The following ELN variants were observed in gnomAD, a reference collection of about 807,000 sequenced individuals.
The protein encoded by ELN is tropoelastin.
A neutral mutation model predicts 105.8 loss-of-function variants in ELN; 65 were observed. The ratio of observed to expected loss-of-function variants is 0.61; its 90% CI spans 0.50 to 0.75. The LOEUF is 0.75. ELN is among the 30% of genes least tolerant of loss of function. The pLI, the probability that ELN is intolerant of heterozygous loss-of-function variation, is 0.00. For synonymous variants in ELN, 368 were observed against 389.2 expected, an observed-to-expected ratio of 0.95 and a Z score of 0.64; for missense variants, 882 against 969.4, an observed-to-expected ratio of 0.91 and a Z score of 1.20.
chr7:74,029,544 G>T (rs968127510), intron 1 of ELN, among the ~76,000 whole-genome samples: 4 of 152,146 alleles, frequency 2.6e-5, no homozygotes, highest in African/African-American at 4.8e-5. Flanking sequence ...GGGGCGGGAG[G>T]GCCACGGGGT....
At chr7:74,030,280 C>T (rs55727766) in intron 1 of ELN, among the ~76,000 whole-genome samples, 81 of 152,288 alleles carry the variant, frequency 5.3e-4, no homozygotes, top group African/African-American at 1.9e-3. Flanking sequence ...GGGAGCCTGG[C>T]TTCTCCCTCA....
Position 74,046,716 on chromosome 7 carries a change from C to T in ELN, c.592C>T (p.Pro198Ser), listed in dbSNP as rs782092039. ...GIPGVGPFGG[P>S]QPGVPLGYPI... The stretch of plus-strand genomic sequence containing the variant: ...CACAGGAGTTGGACCCTTTGGGGGA[C>T]CGCAACCTGGAGTCCCACTGGGGTA... Residue 198 changes from proline (P) to serine (S), a missense_variant, in exon 12 of 33, where the codon CCG becomes TCG. By Grantham distance (74) the Pro-to-Ser change is moderately conservative. Transcript: ENST00000252034. 8.7e-6 allele frequency: 14 copies of T among 1,614,184 alleles called. No homozygotes were observed. In the Admixed American group the frequency reaches 2.2e-4, roughly 25 times the overall value.
intron 17 of ELN, chr7:74,052,951 C>T (rs947082340): frequency 3.4e-5 from 21 of 618,012 alleles, no homozygotes; most frequent in Admixed American, 1.5e-4. Flanking sequence ...AGATCACATT[C>T]CTCCAGCTCA....
intron 16 of ELN, 24 bp downstream of exon 16, chr7:74,051,863 C>T (rs782086447): frequency 5.6e-6 from 9 of 1,614,026 alleles, no homozygotes; most frequent in East Asian, 4.5e-5. Flanking sequence ...CAGCAGGGGG[C>T]GGGTGTGTCC....
intron 1 of ELN, among the ~76,000 whole-genome samples, chr7:74,034,571 G>T (rs1202656602): frequency 6.6e-6 from 1 of 152,204 alleles, no homozygotes; most frequent in Non-Finnish European, 1.5e-5. Flanking sequence ...CAGATGTGGA[G>T]GTGCACGCCT....
At chr7:74,066,823 ACCTCCTCC>A in intron 32 of ELN, 47 bp downstream of exon 32, 1 of 1,592,606 alleles carries the variant, frequency 6.3e-7, no homozygotes, top group Non-Finnish European at 8.6e-7. Context: ...AGCTGCAGCC[ACCTCCTCC>A]CTCCTCTCCT....
chr7:74,037,494 C>T (rs2131257288), intron 3 of ELN, among the ~76,000 whole-genome samples: 1 of 152,282 alleles, frequency 6.6e-6, no homozygotes, highest in African/African-American at 2.4e-5. Context: ...ACCCCCAGCC[C>T]ATCATCCCCT....
At chr7:74,060,576 C>G (rs1796423636) in intron 25 of ELN, 75 bp downstream of exon 25, 1 of 1,607,164 alleles carries the variant, frequency 6.2e-7, no homozygotes, top group African/African-American at 1.3e-5. Flanking sequence ...TCAGCACCTC[C>G]CCAGCACCCC....
At chr7:74,052,824 A>AGAGG (rs1170094157) in intron 17 of ELN, 1 of 297,962 alleles carries the variant, frequency 3.4e-6, no homozygotes, top group Middle Eastern at 1.1e-3. Context: ...GAAAAAGAAA[A>AGAGG]GAGGGAGGGA....
At chr7:74,048,420 C>A in intron 14 of ELN, 83 bp from the exon 15 acceptor site, 2 of 1,602,802 alleles carry the variant, frequency 1.2e-6, no homozygotes, top group Non-Finnish European at 1.7e-6. Context: ...AGTGGATTGG[C>A]TCTCTTGGGG....
At chr7:74,031,456 C>T (rs782247457) in intron 1 of ELN, among the ~76,000 whole-genome samples, 1 of 152,204 alleles carries the variant, frequency 6.6e-6, no homozygotes, top group Non-Finnish European at 1.5e-5. Context: ...AATACTCCCT[C>T]TCACTACTTA....
rs115617624 is a variant in ELN at position 74,033,372 on chromosome 7, A to G, written c.83-1992A>G. Among the ~76,000 whole-genome samples, 654 of 152,382 alleles carry G rather than the reference A, an allele frequency of 4.3e-3. 4 individuals are homozygous for G. Among genetic ancestry groups the G allele is most frequent in the African/African-American group, 0.015 (617 of 41,598 alleles). On this transcript the variant is annotated intron_variant, in intron 1 of 32. Coordinates refer to ENST00000252034, the MANE Select transcript of ELN (RefSeq NM_000501.4). ...GAGGAGGAAGGAGAGAGGCCGAGGC[A>G]GAGAAAGACGCATAAGAGACTGTTG...
rs1791537277 is a variant in ELN at position 74,042,768 on chromosome 7, G to A, written c.325+62G>A. 1.9e-6 allele frequency: 3 copies of A among 1,593,006 alleles called. No homozygotes were observed. In the South Asian group the frequency reaches 3.3e-5, roughly 18 times the overall value. On this transcript the variant is annotated intron_variant, in intron 6 of 32. Transcript: ENST00000252034. ...TGGCTTCCGTGGGGCCCTCCGCTTT[G>A]CAAAGAACCTTCCCTCAACTCAGGC...
At chr7:74,042,010 G>C (rs1344613943) in intron 5 of ELN, among the ~76,000 whole-genome samples, 1 of 151,564 alleles carries the variant, frequency 6.6e-6, no homozygotes, top group East Asian at 2.0e-4. Context: ...AAAGTGCTGG[G>C]ATGACAGGCT....
At chr7:74,052,895 A>G (rs940601222) in intron 17 of ELN, 2 of 523,530 alleles carry the variant, frequency 3.8e-6, no homozygotes, top group Admixed American at 3.3e-5. Flanking sequence ...GAGAGAAAGA[A>G]AGAAAGAAAG....
At chr7:74,066,655 C>T in intron 31 of ELN, 77 bp from the exon 32 acceptor site, 1 of 1,443,756 alleles carries the variant, frequency 6.9e-7, no homozygotes, top group Admixed American at 1.7e-5. Context: ...TTGGGTGAGC[C>T]AGTGCAGGCA....
At chr7:74,029,270 C>G (rs1282524767) in intron 1 of ELN, among the ~76,000 whole-genome samples, 3 of 152,094 alleles carry the variant, frequency 2.0e-5, no homozygotes, top group Non-Finnish European at 4.4e-5. Context: ...AGGTGTCTGT[C>G]TCCTGGCAGA....
chr7:74,068,768 C>A lies in ELN; in HGVS notation c.*68C>A. ...CTACTGCTTGGTGGAGAATGTAAACCCTTTGTAACCCCATCCCATGCCCCT... is the reference window on the plus strand; with the variant it reads ...CTACTGCTTGGTGGAGAATGTAAACACTTTGTAACCCCATCCCATGCCCCT... On this transcript the variant is annotated 3_prime_UTR_variant, in exon 33 of 33. Coordinates refer to ENST00000252034, the MANE Select transcript of ELN (RefSeq NM_000501.4). The A allele has an allele frequency of 6.3e-7, 1 of 1,584,340 alleles. No individual in the cohort carries two copies. Among genetic ancestry groups the A allele is most frequent in the Non-Finnish European group, 8.7e-7 (1 of 1,153,214 alleles).
chr7:74,041,577 C>T (rs546106042), intron 5 of ELN, among the ~76,000 whole-genome samples: 2 of 152,144 alleles, frequency 1.3e-5, no homozygotes, highest in Non-Finnish European at 2.9e-5. Flanking sequence ...AAATTTGACC[C>T]CAAAAGATCC....
Sources: allele counts gnomAD v4.1 joint callset (sites outside exome capture counted in the v4.1 genomes callset), GRCh38; gene constraint gnomAD v4.1.1; transcripts MANE v1.5; gene names NCBI Gene and HGNC (gene_info 2026-07-23, HGNC 2026-07-21).